The following RTTN variants were observed in gnomAD, a reference collection of about 807,000 sequenced individuals.
RTTN encodes the protein rotatin.
A neutral mutation model predicts 269.2 loss-of-function variants in RTTN; 182 were observed. The observed-to-expected ratio is 0.68, with a 90% CI of 0.60 to 0.76. The LOEUF (loss-of-function observed/expected upper bound fraction) is 0.76. Among genes scored for constraint, RTTN ranks in the 30% least tolerant of loss-of-function variants. The pLI is 0.00. For synonymous variants in RTTN, 1,006 were observed against 963.5 expected (o/e 1.04, Z -0.82); for missense variants, 2,545 against 2,608.6 (o/e 0.98, Z 0.53).
intron 14 of RTTN, among the ~76,000 whole-genome samples, chr18:70,154,134 G>T (rs2060612553): frequency 6.6e-6 from 1 of 151,784 alleles, no homozygotes; most frequent in African/African-American, 2.4e-5. Context: ...TTAAAATTTA[G>T]AATTTTCAAA....
chr18:70,020,411 GACTCT>G (rs1442705134), intron 45 of RTTN, among the ~76,000 whole-genome samples, 199 bp downstream of exon 45: 1 of 152,198 alleles, frequency 6.6e-6, no homozygotes, highest in Non-Finnish European at 1.5e-5. Context: ...GAAATGGTAT[GACTCT>G]ACTCTAGCTC....
At chr18:70,099,566 C>T (rs1046535387) in intron 28 of RTTN, among the ~76,000 whole-genome samples, 3 of 152,304 alleles carry the variant, frequency 2.0e-5, no homozygotes, top group South Asian at 4.1e-4. Flanking sequence ...TTTTGCTATG[C>T]AGAAGCTCTT....
chr18:70,163,067 AT>A (rs1371683882), intron 14 of RTTN, among the ~76,000 whole-genome samples: 6 of 75,980 alleles, frequency 7.9e-5, no homozygotes, highest in Non-Finnish European at 5.2e-5. Flanking sequence ...GGTTACTATT[AT>A]TAAAAAAAAA....
intron 35 of RTTN, chr18:70,061,283 C>T (rs2057977047): frequency 6.6e-6 from 3 of 452,852 alleles, no homozygotes; most frequent in Non-Finnish European, 1.3e-5. Flanking sequence ...TTAGTGAACA[C>T]CTCCATTAAC....
At chr18:70,147,919 A>T (rs1291137518) in intron 17 of RTTN, among the ~76,000 whole-genome samples, 1 of 152,150 alleles carries the variant, frequency 6.6e-6, no homozygotes, top group Admixed American at 6.6e-5. Flanking sequence ...GCTTTTCTGC[A>T]TGTGTAGAAG....
intron 40 of RTTN, among the ~76,000 whole-genome samples, chr18:70,037,802 G>T (rs2057220612): frequency 6.6e-6 from 1 of 152,170 alleles, no homozygotes; most frequent in South Asian, 2.1e-4. Flanking sequence ...GCAACAAGTA[G>T]GCTCTTGGGC....
chr18:70,159,900 T>C (rs2060781388), intron 14 of RTTN, among the ~76,000 whole-genome samples: 1 of 151,848 alleles, frequency 6.6e-6, no homozygotes, highest in Non-Finnish European at 1.5e-5. Context: ...AACAGAACAG[T>C]AATGTGTTCC....
At chr18:70,118,361 C>A (rs899844662) in intron 26 of RTTN, among the ~76,000 whole-genome samples, 2 of 151,858 alleles carry the variant, frequency 1.3e-5, no homozygotes, top group African/African-American at 4.8e-5. Context: ...GGAAAAAATT[C>A]TAGACACATA....
In RTTN at chr18:70,103,762, C is replaced by CAA. The variant is rs71178846; in HGVS notation, c.3903+5734_3903+5735dup. On this transcript the variant is annotated intron_variant, in intron 28 of 48. Transcript: ENST00000640769. ...ACCCAAGAATGATCAATAAATACTT[C>CAA]AAAAAAAAAAAAAAAAGCAAATCAT... Among the ~76,000 whole-genome samples, 812 of 117,776 alleles carry CAA rather than the reference C, an allele frequency of 6.9e-3. 15 individuals carry two copies. The highest frequency in any genetic ancestry group is 0.019 in the African/African-American group (563 of 30,178). The allele number at this position is 117,776 out of a possible 152,430, so 77.3% of individuals were successfully genotyped here.
intron 1 of RTTN, 136 bp from the exon 2 acceptor site, chr18:70,205,451 G>C: frequency 1.5e-6 from 2 of 1,360,072 alleles, no homozygotes; most frequent in Non-Finnish European, 2.0e-6. Flanking sequence ...CCTTCGGGAC[G>C]CGAACCGCGA....
At chr18:70,113,140 C>T (rs1310098205) in intron 27 of RTTN, among the ~76,000 whole-genome samples, 2 of 152,068 alleles carry the variant, frequency 1.3e-5, no homozygotes, top group East Asian at 1.9e-4. Flanking sequence ...ACACAATGTA[C>T]CAGAATCTCT....
intron 28 of RTTN, among the ~76,000 whole-genome samples, chr18:70,094,736 G>A (rs772110441): frequency 2.6e-5 from 4 of 152,132 alleles, no homozygotes; most frequent in Non-Finnish European, 4.4e-5. Flanking sequence ...AGTGCGATGT[G>A]GTGCTGAGAA....
At chr18:70,166,300 T>C in intron 13 of RTTN, 112 bp from the exon 14 acceptor site, 10 of 1,054,664 alleles carry the variant, frequency 9.5e-6, no homozygotes, top group Non-Finnish European at 1.4e-5. Context: ...CAAACTGAGA[T>C]CTTATTAAAA....
intron 21 of RTTN, among the ~76,000 whole-genome samples, chr18:70,136,266 T>C (rs1017917013): frequency 2.0e-5 from 3 of 152,142 alleles, no homozygotes; most frequent in African/African-American, 7.2e-5. Flanking sequence ...ATTTAATTTT[T>C]TTAAACAACA....
chr18:70,109,779 C>T, intron 27 of RTTN, 62 bp from the exon 28 acceptor site: 1 of 1,316,866 alleles, frequency 7.6e-7, no homozygotes, highest in Non-Finnish European at 1.1e-6. Flanking sequence ...AATGGGCTAT[C>T]TTACTGGCTA....
chr18:70,072,971 GA>G (rs1483457578), intron 34 of RTTN, among the ~76,000 whole-genome samples: 1 of 151,788 alleles, frequency 6.6e-6, no homozygotes, highest in Non-Finnish European at 1.5e-5. Flanking sequence ...TGAATCTAGG[GA>G]AAAAAAGACT....
At chr18:70,009,450 T>C (rs1315198942) in intron 46 of RTTN, among the ~76,000 whole-genome samples, 1 of 152,134 alleles carries the variant, frequency 6.6e-6, no homozygotes. Context: ...AAAATAATTT[T>C]CAACCCAGAA....
chr18:70,149,541 T>TAA (rs775398738), intron 16 of RTTN, among the ~76,000 whole-genome samples: 19 of 147,790 alleles, frequency 1.3e-4, no homozygotes, highest in South Asian at 2.1e-4. Context: ...ATTGCTTTTT[T>TAA]AAAAAAAAAA....
intron 25 of RTTN, among the ~76,000 whole-genome samples, chr18:70,125,523 T>A (rs2059843305): frequency 6.6e-6 from 1 of 151,950 alleles, no homozygotes; most frequent in African/African-American, 2.4e-5. Context: ...TTTACTGACA[T>A]GGAAAATGTG....
Sources: gnomAD v4.1 joint callset for allele counts (sites outside exome capture counted in the v4.1 genomes callset) on GRCh38, gnomAD v4.1.1 for gene constraint, MANE v1.5 for transcripts, NCBI Gene and HGNC (gene_info 2026-07-23, HGNC 2026-07-21) for gene names.